The following CENPK variants were observed in gnomAD, a reference collection of about 807,000 sequenced individuals.
The protein encoded by CENPK is SoxLZ/Sox6-binding protein Solt.
Under a neutral mutation model 40.9 loss-of-function variants are expected in CENPK, and 46 were observed. The observed-to-expected ratio is 1.13, with a 90% CI of 0.89 to 1.44. The LOEUF (loss-of-function observed/expected upper bound fraction) is 1.44. Ranked by LOEUF, CENPK falls within the 40% of genes most tolerant of loss-of-function variation. The probability of loss-of-function intolerance (pLI) is 0.00; values close to 1 mark genes in which losing one functional copy is unlikely to be tolerated. For missense variants in CENPK, 288 were observed against 303.5 expected, an observed-to-expected ratio of 0.95 and a Z score of 0.38; for synonymous variants, 107 against 104.4, an observed-to-expected ratio of 1.02 and a Z score of -0.15.
At chr5:65,545,736 C>A (rs1748829961) in intron 5 of CENPK, among the ~76,000 whole-genome samples, 1 of 152,174 alleles carries the variant, frequency 6.6e-6, no homozygotes, top group Admixed American at 6.5e-5. Context: ...ATTCTGCCAA[C>A]AACTTCAGTA....
In CENPK at chr5:65,545,368, ACACACACACACACG is replaced by A. The variant is rs1180078784; in HGVS notation, c.242-2534_242-2521del. 2.7e-4 allele frequency among the ~76,000 whole-genome samples: 30 copies of A among 109,968 alleles called. No individual in the cohort carries two copies. In the South Asian group the frequency reaches 3.4e-3, roughly 12 times the overall value. 72.1% of individuals were successfully genotyped at this position (109,968 alleles called of 152,430 possible). ...CACACACACACACACACACACACAC[ACACACACACACACG>A]CCTTCTCTATAAAGCAAAACCGATC... On this transcript the variant is annotated intron_variant, in intron 5 of 10. Transcript: ENST00000396679.
intron 2 of CENPK, among the ~76,000 whole-genome samples, chr5:65,556,633 T>TA (rs1247094639): frequency 6.6e-6 from 1 of 152,096 alleles, no homozygotes; most frequent in Non-Finnish European, 1.5e-5. Context: ...ATTGAATAAT[T>TA]AAAAAAATAA....
intron 9 of CENPK, among the ~76,000 whole-genome samples, chr5:65,527,498 CATATATATATAT>C (rs70983674): frequency 0.034 from 3,084 of 89,804 alleles, 54 homozygotes; most frequent in Admixed American, 0.039. Flanking sequence ...TTATTAACAC[CATATATATATAT>C]ATATATATAT....
chr5:65,506,710 G>T, the CENPK span, among the ~76,000 whole-genome samples: 2 of 151,668 alleles, frequency 1.3e-5, no homozygotes, highest in East Asian at 3.9e-4. Context: ...TCTTGAATCC[G>T]ATAAGAGGAG....
chr5:65,517,549 A>G (rs1742964994), downstream of CENPK, among the ~76,000 whole-genome samples: 1 of 152,182 alleles, frequency 6.6e-6, no homozygotes, highest in Non-Finnish European at 1.5e-5. Flanking sequence ...GAAAATATGA[A>G]GTAATTAAGG....
chr5:65,539,337 A>G (rs975883610), intron 6 of CENPK, among the ~76,000 whole-genome samples: 3 of 152,216 alleles, frequency 2.0e-5, no homozygotes, highest in African/African-American at 7.2e-5. Flanking sequence ...TTCACAGTAC[A>G]ATAGATTTTG....
At chr5:65,558,046 G>A (rs543318733) in intron 2 of CENPK, among the ~76,000 whole-genome samples, 2 of 152,294 alleles carry the variant, frequency 1.3e-5, no homozygotes, top group South Asian at 4.2e-4. Flanking sequence ...CCAGGAGACT[G>A]AGGCTGCAGT....
At position 65,528,439 on chromosome 5, in the gene CENPK, C is replaced by A; in HGVS notation, c.597+13G>T. On this transcript the variant is annotated intron_variant, in intron 9 of 10. Transcript: ENST00000396679. Reference sequence around the variant, plus strand: ...ATATGATAATTTACATAAATGTCTTCTCTAAAACTTACCTTTTTCTTTTTA... The same window carrying A: ...ATATGATAATTTACATAAATGTCTTATCTAAAACTTACCTTTTTCTTTTTA... 6.3e-7 allele frequency: 1 copy of A among 1,578,988 alleles called. No individual in the cohort carries two copies. The highest frequency in any genetic ancestry group is 8.5e-7 in the Non-Finnish European group (1 of 1,170,166).
chr5:65,514,339 C>T (rs565379463), downstream of CENPK, among the ~76,000 whole-genome samples: 1 of 150,156 alleles, frequency 6.7e-6, no homozygotes, highest in African/African-American at 2.5e-5. Context: ...TCTCAGCTCA[C>T]TGCAACCTCC....
chr5:65,513,448 T>G (rs962406194), downstream of CENPK, among the ~76,000 whole-genome samples: 2 of 152,220 alleles, frequency 1.3e-5, no homozygotes, highest in Non-Finnish European at 2.9e-5. Flanking sequence ...ATTATTCTAC[T>G]TATTTCTATC....
chr5:65,497,192 A>G, the CENPK span, among the ~76,000 whole-genome samples: 1 of 151,872 alleles, frequency 6.6e-6, no homozygotes, highest in Non-Finnish European at 1.5e-5. Context: ...ACATGGTGAA[A>G]CCCCATTTCT....
At chr5:65,530,243 G>A (rs567816983) in intron 6 of CENPK, among the ~76,000 whole-genome samples, 1 of 152,176 alleles carries the variant, frequency 6.6e-6, no homozygotes, top group South Asian at 2.1e-4. Context: ...TAGATGTAAA[G>A]CTGAACAGAA....
Position 65,536,724 on chromosome 5 carries a change from C to T in CENPK, c.288+6078G>A, listed in dbSNP as rs925465163. ...TATTTATTTTATTATTTCTTGCCTT[C>T]GATTTTTTAATATTCTGCAACTTAT... On this transcript the variant is annotated intron_variant, in intron 6 of 10. Transcript: ENST00000396679. Among the ~76,000 whole-genome samples the T allele has an allele frequency of 1.1e-4, 17 of 152,122 alleles. No individual in the cohort carries two copies. The South Asian group carries it at 2.1e-3, about 19-fold the overall frequency.
the CENPK span, among the ~76,000 whole-genome samples, chr5:65,503,818 G>C: frequency 6.6e-6 from 1 of 151,694 alleles, no homozygotes; most frequent in Non-Finnish European, 1.5e-5. Flanking sequence ...CACCACGCCT[G>C]GCTAATTTTT....
intron 5 of CENPK, among the ~76,000 whole-genome samples, chr5:65,543,240 T>C (rs1287005633): frequency 6.6e-6 from 1 of 152,192 alleles, no homozygotes; most frequent in Non-Finnish European, 1.5e-5. Flanking sequence ...TTTTACGAAA[T>C]GTGTGCAGTT....
At chr5:65,496,725 T>C in the CENPK span, among the ~76,000 whole-genome samples, 1 of 152,118 alleles carries the variant, frequency 6.6e-6, no homozygotes, top group Non-Finnish European at 1.5e-5. Context: ...GCTGTTTGTT[T>C]TTTTTCCAAA....
At chr5:65,512,861 T>A (rs1426163778), downstream of CENPK, among the ~76,000 whole-genome samples, 1 of 152,196 alleles carries the variant, frequency 6.6e-6, no homozygotes, top group Non-Finnish European at 1.5e-5. Flanking sequence ...TATTATATTT[T>A]AATTTTAGCC....
intron 9 of CENPK, among the ~76,000 whole-genome samples, chr5:65,524,115 C>T (rs950907724): frequency 5.9e-5 from 9 of 152,118 alleles, no homozygotes; most frequent in Non-Finnish European, 1.2e-4. Context: ...GTGGCTCATG[C>T]CTGTAATCCT....
intron 6 of CENPK, among the ~76,000 whole-genome samples, chr5:65,533,638 G>A (rs1335237241): frequency 1.3e-5 from 2 of 152,124 alleles, no homozygotes; most frequent in African/African-American, 4.8e-5. Flanking sequence ...ATGTAAAACT[G>A]TGTTTGATCT....
Sources: allele counts gnomAD v4.1 joint callset (sites outside exome capture counted in the v4.1 genomes callset), GRCh38; gene constraint gnomAD v4.1.1; transcripts MANE v1.5; gene names NCBI Gene and HGNC (gene_info 2026-07-23, HGNC 2026-07-21).